Variants in VWA8 observed in about 807,000 individuals in gnomAD.
The protein encoded by VWA8 is von Willebrand factor A domain-containing protein 8.
A neutral mutation model predicts 241.5 loss-of-function variants in VWA8; 221 were observed. The ratio of observed to expected loss-of-function variants is 0.91; its 90% CI spans 0.82 to 1.02. The LOEUF is 1.02. VWA8 is among the 50% of genes least tolerant of loss of function. VWA8 has a pLI of 0.00. For missense variants in VWA8, 2,322 were observed against 2,328.7 expected (o/e 1.00, Z 0.06); for synonymous variants, 852 against 827.1 (o/e 1.03, Z -0.52).
At chr13:41,636,934 T>C (rs962951499) in intron 37 of VWA8, among the ~76,000 whole-genome samples, 75 of 151,544 alleles carry the variant, frequency 4.9e-4, no homozygotes, top group Non-Finnish European at 9.6e-4. Context: ...GGAGAGGATG[T>C]GGAGAAATAG....
chr13:41,734,527 C>T (rs757584377), intron 21 of VWA8, among the ~76,000 whole-genome samples: 2 of 152,176 alleles, frequency 1.3e-5, no homozygotes, highest in African/African-American at 2.4e-5. Context: ...TCCTCATTTA[C>T]GGAGCTTGAA....
At chr13:41,899,353 G>A (rs1173395960) in intron 4 of VWA8, among the ~76,000 whole-genome samples, 2 of 152,186 alleles carry the variant, frequency 1.3e-5, no homozygotes, top group Non-Finnish European at 2.9e-5. Flanking sequence ...AAATGTGTAA[G>A]GCTGGTATAA....
intron 20 of VWA8, among the ~76,000 whole-genome samples, chr13:41,768,957 T>C (rs561700483): frequency 1.3e-5 from 2 of 151,472 alleles, no homozygotes; most frequent in East Asian, 3.9e-4. Flanking sequence ...ACGCTGGAGT[T>C]AGTGACCTAA....
intron 14 of VWA8, among the ~76,000 whole-genome samples, chr13:41,821,343 GAA>G (rs2137987271): frequency 6.6e-6 from 1 of 152,244 alleles, no homozygotes; most frequent in Non-Finnish European, 1.5e-5. Context: ...AACAGTCACC[GAA>G]CTACTGAATA....
intron 44 of VWA8, among the ~76,000 whole-genome samples, chr13:41,569,811 C>T (rs1239792764): frequency 6.6e-6 from 1 of 151,852 alleles, no homozygotes; most frequent in Non-Finnish European, 1.5e-5. Flanking sequence ...CAGATCATAC[C>T]CACTGGTATT....
chr13:41,864,216 G>A (rs1873182934), intron 12 of VWA8, among the ~76,000 whole-genome samples: 1 of 151,902 alleles, frequency 6.6e-6, no homozygotes, highest in Non-Finnish European at 1.5e-5. Context: ...CATTGTTGGT[G>A]GGAATGAAAA....
intron 17 of VWA8, among the ~76,000 whole-genome samples, chr13:41,788,138 CAT>C (rs1055964014): frequency 2.6e-5 from 4 of 152,142 alleles, no homozygotes; most frequent in African/African-American, 9.7e-5. Context: ...AGGCATGAAA[CAT>C]AGTTTCCCAC....
chr13:41,676,204 T>C (rs939105029), intron 35 of VWA8, among the ~76,000 whole-genome samples: 3 of 152,182 alleles, frequency 2.0e-5, no homozygotes, highest in African/African-American at 7.2e-5. Flanking sequence ...ATTTGTGGAC[T>C]TAATTTTAGG....
chr13:41,895,273 G>A (rs1322881536), intron 4 of VWA8, among the ~76,000 whole-genome samples: 3 of 152,092 alleles, frequency 2.0e-5, no homozygotes, highest in Admixed American at 6.5e-5. Context: ...CTGGAAGAGA[G>A]GTTATATAAT....
intron 42 of VWA8, among the ~76,000 whole-genome samples, chr13:41,582,051 T>TA (rs2044386278): frequency 1.3e-5 from 2 of 152,218 alleles, no homozygotes; most frequent in Admixed American, 1.3e-4. Flanking sequence ...TAGAGGAGCT[T>TA]ATGCTGATTA....
chr13:41,888,043 T>C (rs1235324766), intron 5 of VWA8, among the ~76,000 whole-genome samples: 1 of 152,238 alleles, frequency 6.6e-6, no homozygotes, highest in Non-Finnish European at 1.5e-5. Flanking sequence ...TGTACACTTT[T>C]ACTAAATGTT....
At chr13:41,625,474 T>C (rs1281428851) in intron 37 of VWA8, among the ~76,000 whole-genome samples, 3 of 152,094 alleles carry the variant, frequency 2.0e-5, no homozygotes, top group South Asian at 2.1e-4. Flanking sequence ...AAAAAACATA[T>C]GAAAAAATGC....
chr13:41,926,805 C>T, intron 2 of VWA8: 1 of 555,084 alleles, frequency 1.8e-6, no homozygotes, highest in Non-Finnish European at 3.6e-6. Flanking sequence ...GGTAAAGCTG[C>T]CAGAAACTAA....
At chr13:41,628,412 T>C (rs2044706696) in intron 37 of VWA8, among the ~76,000 whole-genome samples, 1 of 152,198 alleles carries the variant, frequency 6.6e-6, no homozygotes. Context: ...GAACAATGTA[T>C]ATATATTCAC....
chr13:41,879,226 A>G (rs1241960298), intron 9 of VWA8, among the ~76,000 whole-genome samples: 4 of 152,124 alleles, frequency 2.6e-5, no homozygotes, highest in African/African-American at 7.2e-5. Context: ...AGTGAACTAT[A>G]TTGTCAGAAG....
chr13:41,711,020 TG>T (rs1480527572), intron 26 of VWA8, among the ~76,000 whole-genome samples: 1 of 152,238 alleles, frequency 6.6e-6, no homozygotes, highest in African/African-American at 2.4e-5. Flanking sequence ...TGAAGCTTTC[TG>T]TCTGCAAATA....
chr13:41,915,331 A>G (rs1346626281), intron 2 of VWA8, among the ~76,000 whole-genome samples: 1 of 152,134 alleles, frequency 6.6e-6, no homozygotes, highest in Admixed American at 6.6e-5. Flanking sequence ...TATTCTTAGC[A>G]CTCAGCAGTG....
At chr13:41,776,337 C>T (rs1233484735) in intron 20 of VWA8, among the ~76,000 whole-genome samples, 2 of 152,172 alleles carry the variant, frequency 1.3e-5, no homozygotes, top group Non-Finnish European at 1.5e-5. Flanking sequence ...GGGCTATATA[C>T]AACCTGAATG....
intron 37 of VWA8, among the ~76,000 whole-genome samples, chr13:41,635,522 C>T (rs1430982184): frequency 6.6e-6 from 1 of 152,202 alleles, no homozygotes; most frequent in South Asian, 2.1e-4. Flanking sequence ...AGTCTGCACA[C>T]CTGCCTGTAG....
Sources: gnomAD v4.1 joint callset for allele counts (sites outside exome capture counted in the v4.1 genomes callset) on GRCh38, gnomAD v4.1.1 for gene constraint, MANE v1.5 for transcripts, NCBI Gene and HGNC (gene_info 2026-07-23, HGNC 2026-07-21) for gene names.